GNA14: variants seen among roughly 807,000 people sequenced by gnomAD.
The protein encoded by GNA14 is guanine nucleotide-binding protein subunit alpha-14.
Under a neutral mutation model 42.0 loss-of-function variants are expected in GNA14, and 50 were observed. The ratio of observed to expected loss-of-function variants is 1.19; its 90% confidence interval spans 0.95 to 1.51. The LOEUF (loss-of-function observed/expected upper bound fraction) is 1.51. Ranked by LOEUF, GNA14 falls within the 40% of genes most tolerant of loss-of-function variation. The pLI is 0.00. For synonymous variants in GNA14, 173 were observed against 163.1 expected (o/e 1.06, Z -0.46); for missense variants, 473 against 446.2 (o/e 1.06, Z -0.54).
At chr9:77,560,222 A>C (rs1275893961) in intron 1 of GNA14, among the ~76,000 whole-genome samples, 1 of 152,154 alleles carries the variant, frequency 6.6e-6, no homozygotes. Context: ...GTTAAAGCAG[A>C]AATAAACTAC....
chr9:77,494,925 G>A (rs923546434), intron 2 of GNA14, among the ~76,000 whole-genome samples: 7 of 152,066 alleles, frequency 4.6e-5, no homozygotes, highest in South Asian at 2.1e-4. Flanking sequence ...TCAGCCTCCC[G>A]AGTAACTGAG....
At chr9:77,565,989 C>A (rs1822961544) in intron 1 of GNA14, among the ~76,000 whole-genome samples, 1 of 151,712 alleles carries the variant, frequency 6.6e-6, no homozygotes, top group African/African-American at 2.4e-5. Context: ...GGGTAACTGG[C>A]ACTGAGTGGA....
chr9:77,492,350 T>TA (rs1478479781), intron 2 of GNA14, among the ~76,000 whole-genome samples: 1 of 151,242 alleles, frequency 6.6e-6, no homozygotes, highest in Non-Finnish European at 1.5e-5. Flanking sequence ...AATTTATTTA[T>TA]AAAAAATACA....
At chr9:77,545,752 A>G (rs62573410) in intron 1 of GNA14, among the ~76,000 whole-genome samples, 13,654 of 152,168 alleles carry the variant, frequency 0.09, 653 homozygotes, top group Middle Eastern at 0.16. Flanking sequence ...TAAGGTTCCA[A>G]GAAGAAGGTC....
chr9:77,463,744 C>A (rs573844873), intron 2 of GNA14, among the ~76,000 whole-genome samples: 1 of 150,512 alleles, frequency 6.6e-6, no homozygotes, highest in Non-Finnish European at 1.5e-5. Flanking sequence ...TAGGTCAATA[C>A]CCCAGGAACC....
chr9:77,629,262 C>A (rs1296528194), intron 1 of GNA14, among the ~76,000 whole-genome samples: 2 of 152,150 alleles, frequency 1.3e-5, no homozygotes, highest in Non-Finnish European at 1.5e-5. Flanking sequence ...GAAATAGGAA[C>A]GCTTTTACAC....
At chr9:77,559,962 G>A (rs1222668522) in intron 1 of GNA14, among the ~76,000 whole-genome samples, 1 of 152,154 alleles carries the variant, frequency 6.6e-6, no homozygotes, top group Non-Finnish European at 1.5e-5. Context: ...TAGACCAGAA[G>A]TTGATTCTCA....
rs77335315 is a variant in GNA14, at chr9:77,494,266, C to T, written c.309+34803G>A. The stretch of plus-strand genomic sequence containing the variant: ...ATATTCTGTTCCATATTTTCTCCAT[C>T]TATGCTCCAAATATTATTAATGCAA... On this transcript the variant is annotated intron_variant, in intron 2 of 6. Transcript: ENST00000341700. 5.6e-3 allele frequency among the ~76,000 whole-genome samples: 852 copies of T among 152,232 alleles called. 4 individuals are homozygous for T. Among genetic ancestry groups the T allele is most frequent in the Non-Finnish European group, 9.4e-3 (639 of 68,002 alleles).
intron 1 of GNA14, among the ~76,000 whole-genome samples, chr9:77,590,699 G>C (rs1420779195): frequency 1.3e-5 from 2 of 150,788 alleles, no homozygotes; most frequent in Non-Finnish European, 2.9e-5. Flanking sequence ...GTAATACTTA[G>C]GTCACACATT....
chr9:77,434,835 T>C lies in GNA14; in HGVS notation c.310-313A>G, dbSNP rs2148881. On this transcript the variant is annotated intron_variant, in intron 2 of 6. Coordinates refer to ENST00000341700, the MANE Select transcript of GNA14 (RefSeq NM_004297.4). ...CACCCAGTGGTGAATAAAGAGTCACTGGAGCTTTCATCCTACCAGCAAACT... is the reference window on the plus strand; with the variant it reads ...CACCCAGTGGTGAATAAAGAGTCACCGGAGCTTTCATCCTACCAGCAAACT... 1.9e-3 allele frequency among the ~76,000 whole-genome samples: 284 copies of C among 152,286 alleles called. 1 individual carries two copies. Among genetic ancestry groups the C allele is most frequent in the African/African-American group, 6.3e-3 (261 of 41,560 alleles).
At chr9:77,615,702 TACACACACACACACACAC>T (rs59087574) in intron 1 of GNA14, among the ~76,000 whole-genome samples, 1,662 of 134,470 alleles carry the variant, frequency 0.012, 35 homozygotes, top group East Asian at 0.065. Context: ...GAAAATGAAA[TACACACACACACACACAC>T]ACACACACAC....
chr9:77,511,172 C>T (rs931384936), intron 2 of GNA14, among the ~76,000 whole-genome samples: 2 of 152,050 alleles, frequency 1.3e-5, no homozygotes, highest in Non-Finnish European at 2.9e-5. Flanking sequence ...TTATTATTCT[C>T]CAATTCTAAG....
intron 2 of GNA14, among the ~76,000 whole-genome samples, chr9:77,479,225 T>C (rs1219587643): frequency 2.6e-5 from 4 of 152,242 alleles, no homozygotes; most frequent in African/African-American, 7.2e-5. Flanking sequence ...GGATCCAGTT[T>C]CAGCTTTCTA....
intron 2 of GNA14, among the ~76,000 whole-genome samples, chr9:77,452,055 G>A (rs542843113): frequency 9.9e-5 from 15 of 152,244 alleles, no homozygotes; most frequent in East Asian, 9.7e-4. Context: ...CAGGGGAAGC[G>A]GATATAACTC....
intron 1 of GNA14, among the ~76,000 whole-genome samples, chr9:77,572,938 G>A (rs1359980512): frequency 6.6e-6 from 1 of 152,142 alleles, no homozygotes; most frequent in African/African-American, 2.4e-5. Context: ...AGCTGATTAG[G>A]ATTTGCAGAA....
Position 77,616,675 on chromosome 9 carries a change from T to A in GNA14, c.124+30995A>T, listed in dbSNP as rs1461638138. On this transcript the variant is annotated intron_variant, in intron 1 of 6. Coordinates refer to ENST00000341700, the MANE Select transcript of GNA14 (RefSeq NM_004297.4). ...GGACCTCTTAGCAGTAAAGTTTTTA[T>A]TTACTCTACGTCATAATTCCTGCTT... 4.6e-5 allele frequency among the ~76,000 whole-genome samples: 7 copies of A among 152,192 alleles called. No homozygotes were observed. In the East Asian group the frequency reaches 1.3e-3, roughly 29 times the overall value.
chr9:77,445,710 CCA>C (rs1835806719), intron 2 of GNA14, among the ~76,000 whole-genome samples: 1 of 152,076 alleles, frequency 6.6e-6, no homozygotes, highest in Admixed American at 6.5e-5. Flanking sequence ...CCACTGCACT[CCA>C]GCCTGGGCAA....
chr9:77,535,994 G>A (rs890314663), intron 1 of GNA14, among the ~76,000 whole-genome samples: 2 of 151,260 alleles, frequency 1.3e-5, no homozygotes, highest in Admixed American at 6.6e-5. Flanking sequence ...CATTTTTAAA[G>A]TGCCGATAAG....
chr9:77,526,077 T>TTTTTA, intron 2 of GNA14, among the ~76,000 whole-genome samples: 1 of 74,784 alleles, frequency 1.3e-5, no homozygotes. Flanking sequence ...AATTTTTGTA[T>TTTTTA]TTTTTTTTTT....
Sources: allele counts gnomAD v4.1 joint callset (sites outside exome capture counted in the v4.1 genomes callset), GRCh38; gene constraint gnomAD v4.1.1; transcripts MANE v1.5; gene names NCBI Gene and HGNC (gene_info 2026-07-23, HGNC 2026-07-21).